CCSER1: variants seen among roughly 807,000 people sequenced by gnomAD.
CCSER1 encodes the protein coiled-coil serine rich protein 1.
Under a neutral mutation model 82.0 loss-of-function variants are expected in CCSER1, and 41 were observed. That is an observed-to-expected ratio of 0.50 (90% CI 0.39 to 0.65). The LOEUF (loss-of-function observed/expected upper bound fraction) is 0.65, where lower values mean the gene tolerates loss of function less well. Among genes scored for constraint, CCSER1 ranks in the 30% least tolerant of loss-of-function variants. The pLI, the probability that CCSER1 is intolerant of heterozygous loss-of-function variation, is 0.00. For missense variants in CCSER1, 1,119 were observed against 1,064.2 expected (o/e 1.05, Z -0.72); for synonymous variants, 414 against 383.9 (o/e 1.08, Z -0.92).
At chr4:91,131,320 A>G (rs1052217374) in intron 10 of CCSER1, among the ~76,000 whole-genome samples, 1 of 138,898 alleles carries the variant, frequency 7.2e-6, no homozygotes, top group Admixed American at 7.6e-5. Flanking sequence ...AATCTAGAAC[A>G]GTTCTCCCCT....
At chr4:91,390,160 G>A (rs1026620165) in intron 10 of CCSER1, among the ~76,000 whole-genome samples, 12 of 151,752 alleles carry the variant, frequency 7.9e-5, no homozygotes, top group African/African-American at 2.9e-4. Context: ...TTAGCTGTAG[G>A]TTTTTTGTAG....
chr4:91,022,040 G>A lies in CCSER1; in HGVS notation c.2173-63910G>A, dbSNP rs751937233. ...TTATACTTTATGTTTTAGGGTACAC[G>A]TGCACAATGTGCAGGTTAGTTACAT... On this transcript the variant is annotated intron_variant, in intron 9 of 10. Coordinates refer to ENST00000509176, the MANE Select transcript of CCSER1 (RefSeq NM_001145065.2). Among the ~76,000 whole-genome samples, 8 of 151,786 alleles carry A rather than the reference G, an allele frequency of 5.3e-5. No individual in the cohort carries two copies. The East Asian group carries it at 7.7e-4, about 15-fold the overall frequency.
chr4:91,122,721 A>G (rs1561565959), intron 10 of CCSER1, among the ~76,000 whole-genome samples: 1 of 151,178 alleles, frequency 6.6e-6, no homozygotes, highest in Non-Finnish European at 1.5e-5. Flanking sequence ...AAAAACAAAG[A>G]ATACTTTTTC....
chr4:90,456,868 G>C (rs1192909385), intron 4 of CCSER1, among the ~76,000 whole-genome samples: 1 of 152,222 alleles, frequency 6.6e-6, no homozygotes, highest in African/African-American at 2.4e-5. Flanking sequence ...GATCCTCAGG[G>C]TGTTGCTTTG....
At position 90,856,857 on chromosome 4, in the gene CCSER1, A is replaced by C. The variant is rs529449503; in HGVS notation, c.2094+41012A>C. Among the ~76,000 whole-genome samples, 3 of 152,204 alleles carry C rather than the reference A, an allele frequency of 2.0e-5. No homozygotes were observed. The South Asian group carries it at 6.2e-4, about 32-fold the overall frequency. ...AATATTTTATCAGTGTGAACTTCCAAATCTCTATGTAGGGGAGGCTTAGAG... is the reference window on the plus strand; with the variant it reads ...AATATTTTATCAGTGTGAACTTCCACATCTCTATGTAGGGGAGGCTTAGAG... On this transcript the variant is annotated intron_variant, in intron 8 of 10. Transcript: ENST00000509176.
At chr4:91,560,041 G>A (rs1024370178) in intron 10 of CCSER1, among the ~76,000 whole-genome samples, 5 of 151,252 alleles carry the variant, frequency 3.3e-5, no homozygotes, top group Non-Finnish European at 4.4e-5. Context: ...TAAACTGATT[G>A]GATAATGAAT....
At chr4:91,162,555 G>C (rs1426388010) in intron 10 of CCSER1, among the ~76,000 whole-genome samples, 2 of 152,114 alleles carry the variant, frequency 1.3e-5, no homozygotes, top group African/African-American at 4.8e-5. Context: ...GAATCCGTCT[G>C]GTCCCGGACT....
intron 4 of CCSER1, among the ~76,000 whole-genome samples, chr4:90,437,329 A>G (rs1759173810): frequency 6.6e-6 from 1 of 152,154 alleles, no homozygotes; most frequent in Non-Finnish European, 1.5e-5. Flanking sequence ...TAGTGTACAT[A>G]TATAATCTAT....
At chr4:90,261,263 A>ACTC (rs60562134) in intron 1 of CCSER1, among the ~76,000 whole-genome samples, 6,755 of 151,894 alleles carry the variant, frequency 0.044, 385 homozygotes, top group African/African-American at 0.13. Flanking sequence ...AAGATTTAGA[A>ACTC]CTTTTAGCAT....
At chr4:90,322,943 C>A (rs538092733) in intron 3 of CCSER1, among the ~76,000 whole-genome samples, 6 of 152,246 alleles carry the variant, frequency 3.9e-5, no homozygotes, top group Admixed American at 1.3e-4. Context: ...CTGATGTTTA[C>A]GCAAGGTCCA....
intron 10 of CCSER1, among the ~76,000 whole-genome samples, chr4:91,597,106 A>C (rs1341417056): frequency 1.3e-5 from 2 of 152,012 alleles, no homozygotes; most frequent in African/African-American, 2.4e-5. Context: ...GTTTTGAAAA[A>C]TTCCTATGGA....
At chr4:91,040,932 A>T (rs1741904747) in intron 9 of CCSER1, among the ~76,000 whole-genome samples, 1 of 152,216 alleles carries the variant, frequency 6.6e-6, no homozygotes, top group Non-Finnish European at 1.5e-5. Flanking sequence ...GTTCAAATGT[A>T]TAAAAGATGA....
intron 7 of CCSER1, among the ~76,000 whole-genome samples, chr4:90,732,528 T>C (rs1198011940): frequency 6.6e-6 from 1 of 152,066 alleles, no homozygotes; most frequent in Admixed American, 6.6e-5. Flanking sequence ...CCAGAAGAAA[T>C]CAGGTATTTA....
intron 10 of CCSER1, among the ~76,000 whole-genome samples, chr4:91,588,980 T>C (rs1406888102): frequency 6.6e-6 from 1 of 151,828 alleles, no homozygotes; most frequent in Non-Finnish European, 1.5e-5. Context: ...TATAATATTT[T>C]ACAGTATATG....
In CCSER1 at chr4:90,604,682, A is replaced by G. The variant is rs1164062014; in HGVS notation, c.1725-23343A>G. ...TTTTATGTCTAGCTAAAGGTTTGTA[A>G]ATGCACCAATCAGCACTTCGTGTCT... On this transcript the variant is annotated intron_variant, in intron 5 of 10. Transcript: ENST00000509176. Among the ~76,000 whole-genome samples, 5 of 152,126 alleles carry G rather than the reference A, an allele frequency of 3.3e-5. No individual in the cohort carries two copies. In the East Asian group the frequency reaches 9.6e-4, roughly 29 times the overall value.
At chr4:91,075,107 G>A (rs779254533) in intron 9 of CCSER1, among the ~76,000 whole-genome samples, 67 of 151,990 alleles carry the variant, frequency 4.4e-4, no homozygotes, top group Non-Finnish European at 8.4e-4. Context: ...AAGTGGGTCT[G>A]TATGCCAGCG....
chr4:91,496,810 A>T (rs1164267536), intron 10 of CCSER1, among the ~76,000 whole-genome samples: 1 of 78,668 alleles, frequency 1.3e-5, no homozygotes, highest in Non-Finnish European at 2.7e-5. Context: ...GAATATATAT[A>T]TATTCAATAT....
At chr4:91,227,015 C>T (rs951388854) in intron 10 of CCSER1, among the ~76,000 whole-genome samples, 2 of 151,842 alleles carry the variant, frequency 1.3e-5, no homozygotes, top group East Asian at 3.9e-4. Flanking sequence ...AGCACAGTGC[C>T]TGACATAACT....
intron 10 of CCSER1, among the ~76,000 whole-genome samples, chr4:91,521,578 G>A (rs12644099): frequency 6.6e-6 from 1 of 152,108 alleles, no homozygotes; most frequent in Non-Finnish European, 1.5e-5. Flanking sequence ...CATGCTAACT[G>A]GTGCAAGATG....
Sources: allele counts gnomAD v4.1 joint callset (sites outside exome capture counted in the v4.1 genomes callset), GRCh38; gene constraint gnomAD v4.1.1; transcripts MANE v1.5; gene names NCBI Gene and HGNC (gene_info 2026-07-23, HGNC 2026-07-21).